LPP: variants seen among roughly 807,000 people sequenced by gnomAD.
The protein encoded by LPP is LIM domain containing preferred translocation partner in lipoma.
Under a neutral mutation model 60.4 loss-of-function variants are expected in LPP, and 38 were observed. That is an observed-to-expected ratio of 0.63 (90% CI 0.49 to 0.83). The LOEUF (loss-of-function observed/expected upper bound fraction) is 0.83, where lower values mean the gene tolerates loss of function less well. Among genes scored for constraint, LPP ranks in the 40% least tolerant of loss-of-function variants. The pLI is 0.00. For missense variants in LPP, 902 were observed against 783.6 expected (o/e 1.15, Z -1.80); for synonymous variants, 328 against 290.8 (o/e 1.13, Z -1.30).
chr3:188,269,645 A>ATGTGTGTGTGTGTGTGTG (rs368115626), intron 2 of LPP, among the ~76,000 whole-genome samples: 90 of 136,516 alleles, frequency 6.6e-4, no homozygotes, highest in South Asian at 6.0e-3. Flanking sequence ...CTTTTTTTTT[A>ATGTGTGTGTGTGTGTGTG]TGTGTGTGTG....
intron 2 of LPP, among the ~76,000 whole-genome samples, chr3:188,241,084 C>T (rs1724513704): frequency 6.6e-6 from 1 of 152,160 alleles, no homozygotes; most frequent in Non-Finnish European, 1.5e-5. Context: ...ACAGTTTTAT[C>T]AGGGAAGTGT....
chr3:188,722,738 A>G (rs1250973363), intron 8 of LPP, among the ~76,000 whole-genome samples: 1 of 152,236 alleles, frequency 6.6e-6, no homozygotes. Flanking sequence ...TAAAAAGATA[A>G]TTATCCCTAT....
intron 9 of LPP, among the ~76,000 whole-genome samples, chr3:188,800,233 A>T: frequency 7.1e-6 from 1 of 140,830 alleles, no homozygotes; most frequent in Non-Finnish European, 1.5e-5. Context: ...TCTTCATGAA[A>T]TGTTGAAGCT....
chr3:188,827,389 G>C (rs972558348), intron 9 of LPP, among the ~76,000 whole-genome samples: 8 of 152,192 alleles, frequency 5.3e-5, no homozygotes, highest in African/African-American at 1.7e-4. Context: ...TTAAGTCCCT[G>C]CCTATACAAA....
In LPP at chr3:188,163,534, A is replaced by G. The variant is rs73055685; in HGVS notation, c.-190+9282A>G. ...GATACGTTATATGGTCACCCTACTTATAGGTGAATATTGAGTGAGGTAGTG... is the reference window on the plus strand; with the variant it reads ...GATACGTTATATGGTCACCCTACTTGTAGGTGAATATTGAGTGAGGTAGTG... On this transcript the variant is annotated intron_variant, in intron 1 of 11. Coordinates refer to ENST00000617246, the MANE Select transcript of LPP (RefSeq NM_001375462.1). 6.6e-3 allele frequency among the ~76,000 whole-genome samples: 1,012 copies of G among 152,234 alleles called. 11 individuals are homozygous for G. The highest frequency in any genetic ancestry group is 0.023 in the African/African-American group (966 of 41,530).
chr3:188,861,529 A>G (rs1274138541), intron 9 of LPP, among the ~76,000 whole-genome samples: 1 of 152,164 alleles, frequency 6.6e-6, no homozygotes, highest in Non-Finnish European at 1.5e-5. Flanking sequence ...AAAATTGAAC[A>G]CTTACATATA....
In LPP at chr3:188,884,357, GC is replaced by G; in HGVS notation, c.*9883del. On this transcript the variant is annotated 3_prime_UTR_variant, in exon 12 of 12. Coordinates refer to ENST00000617246, the MANE Select transcript of LPP (RefSeq NM_001375462.1). ...ATATCGACTTCTTACAGACTACCAA[GC>G]CCCCAGTCATCCAGGGAAATTCAGA... The G allele has an allele frequency of 4.3e-6, 1 of 230,526 alleles. No homozygotes were observed. The highest frequency in any genetic ancestry group is 8.6e-6 in the Non-Finnish European group (1 of 116,398). The allele number at this position is 230,526 out of a possible 1,614,324, so 14.3% of individuals were successfully genotyped here.
rs147477962 is a variant in LPP at position 188,315,096 on chromosome 3, T to C, written c.-66-26567T>C. ...TTTTTACATTTTTTTTCTGTAGTAA[T>C]TGGACTAATTAGCTTTTATATCTAT... On this transcript the variant is annotated intron_variant, in intron 2 of 11. Coordinates refer to ENST00000617246, the MANE Select transcript of LPP (RefSeq NM_001375462.1). Among the ~76,000 whole-genome samples the C allele has an allele frequency of 6.7e-3, 1,014 of 152,254 alleles. 13 individuals are homozygous for C. Among genetic ancestry groups the C allele is most frequent in the African/African-American group, 0.024 (986 of 41,564 alleles).
At chr3:188,532,028 A>G (rs527752272) in intron 6 of LPP, among the ~76,000 whole-genome samples, 1 of 152,272 alleles carries the variant, frequency 6.6e-6, no homozygotes, top group Non-Finnish European at 1.5e-5. Context: ...AGATTGTGTC[A>G]GAACTGAATT....
intron 3 of LPP, among the ~76,000 whole-genome samples, chr3:188,395,289 G>C (rs1274178030): frequency 1.3e-5 from 2 of 152,110 alleles, no homozygotes; most frequent in African/African-American, 2.4e-5. Flanking sequence ...CATGATCGTG[G>C]CTCACTGTAA....
At chr3:188,268,017 ATTTTTTT>A (rs5855185) in intron 2 of LPP, among the ~76,000 whole-genome samples, 175 of 102,342 alleles carry the variant, frequency 1.7e-3, no homozygotes, top group African/African-American at 5.1e-3. Flanking sequence ...ATTTTTAAGG[ATTTTTTT>A]TTTTTTTTTT....
intron 4 of LPP, among the ~76,000 whole-genome samples, chr3:188,438,938 T>A (rs1386959419): frequency 6.6e-6 from 1 of 152,194 alleles, no homozygotes; most frequent in Non-Finnish European, 1.5e-5. Context: ...CATATGTCTA[T>A]TTCTTGGAGG....
chr3:188,379,010 T>C (rs1776115356), intron 3 of LPP, among the ~76,000 whole-genome samples: 1 of 152,024 alleles, frequency 6.6e-6, no homozygotes, highest in Non-Finnish European at 1.5e-5. Flanking sequence ...AAGTTGTGCC[T>C]TGCTTGAGGG....
intron 9 of LPP, among the ~76,000 whole-genome samples, chr3:188,834,318 T>G (rs1157646172): frequency 1.4e-5 from 2 of 145,128 alleles, no homozygotes; most frequent in Non-Finnish European, 3.0e-5. Context: ...TTGTTTCTTT[T>G]TGGGTGTTTT....
At chr3:188,847,335 G>A (rs1309802272) in intron 9 of LPP, among the ~76,000 whole-genome samples, 1 of 152,194 alleles carries the variant, frequency 6.6e-6, no homozygotes, top group Non-Finnish European at 1.5e-5. Flanking sequence ...GAATGAAGAG[G>A]AGGGCAAGGA....
In LPP at chr3:188,444,443, C is replaced by T. The variant is rs1029747862; in HGVS notation, c.193+38130C>T. 2.6e-5 allele frequency among the ~76,000 whole-genome samples: 4 copies of T among 152,060 alleles called. No homozygotes were observed. The East Asian group carries it at 7.7e-4, about 29-fold the overall frequency. On this transcript the variant is annotated intron_variant, in intron 4 of 11. Transcript: ENST00000617246. ...TGATTGCATATTAAATAGGAAAATA[C>T]ATTTGTTATACTTGAACTAGATTGT...
At chr3:188,248,494 A>ATATATATATATATG (rs1371178264) in intron 2 of LPP, among the ~76,000 whole-genome samples, 1 of 139,822 alleles carries the variant, frequency 7.2e-6, no homozygotes, top group South Asian at 2.3e-4. Flanking sequence ...ATATATATAT[A>ATATATATATATATG]TATACAGTCA....
intron 2 of LPP, among the ~76,000 whole-genome samples, chr3:188,301,988 AAAC>A (rs1282171474): frequency 6.6e-6 from 1 of 151,126 alleles, no homozygotes; most frequent in African/African-American, 2.5e-5. Flanking sequence ...AAGAAAAAAA[AAAC>A]AACAACCCAG....
intron 6 of LPP, among the ~76,000 whole-genome samples, chr3:188,592,732 G>A (rs1460456599): frequency 6.6e-6 from 1 of 151,620 alleles, no homozygotes; most frequent in East Asian, 1.9e-4. Context: ...AGTAGAGACA[G>A]GGTTTCACTA....
Sources: allele counts gnomAD v4.1 joint callset (sites outside exome capture counted in the v4.1 genomes callset), GRCh38; gene constraint gnomAD v4.1.1; transcripts MANE v1.5; gene names NCBI Gene and HGNC (gene_info 2026-07-23, HGNC 2026-07-21).